The following STPG2 variants were observed in gnomAD, a reference collection of about 807,000 sequenced individuals.
STPG2 encodes sperm-tail PG-rich repeat-containing protein 2.
STPG2 carries 56 observed loss-of-function variants against 54.2 expected under a neutral mutation model. The ratio of observed to expected loss-of-function variants is 1.03; its 90% CI spans 0.83 to 1.29. The LOEUF (loss-of-function observed/expected upper bound fraction) is 1.29, where lower values mean the gene tolerates loss of function less well. Ranked by LOEUF, STPG2 falls within the 50% of genes most tolerant of loss-of-function variation. The pLI is 0.00. For synonymous variants in STPG2, 200 were observed against 181.8 expected (o/e 1.10, Z -0.81); for missense variants, 596 against 544.9 (o/e 1.09, Z -0.93).
At chr4:97,590,411 G>A (rs73831938) in intron 10 of STPG2, among the ~76,000 whole-genome samples, 5,233 of 152,018 alleles carry the variant, frequency 0.034, 302 homozygotes, top group African/African-American at 0.12. Flanking sequence ...ATATACTATA[G>A]GGAAAGGGTA....
At chr4:97,866,652 A>G (rs772931663) in intron 8 of STPG2, among the ~76,000 whole-genome samples, 7 of 152,130 alleles carry the variant, frequency 4.6e-5, no homozygotes, top group Non-Finnish European at 4.4e-5. Flanking sequence ...TACAGAATAT[A>G]GATGGGATCA....
intron 9 of STPG2, among the ~76,000 whole-genome samples, chr4:97,797,591 A>C (rs1039023054): frequency 6.6e-6 from 1 of 152,192 alleles, no homozygotes; most frequent in East Asian, 1.9e-4. Flanking sequence ...TTGGTTAGCC[A>C]GTGTATTATT....
At chr4:97,491,541 A>G (rs1435300830) in intron 4 of STPG2, among the ~76,000 whole-genome samples, 5 of 151,550 alleles carry the variant, frequency 3.3e-5, no homozygotes, top group African/African-American at 9.7e-5. Flanking sequence ...GAGGAGATAA[A>G]GCATCAGCTG....
intron 5 of STPG2, among the ~76,000 whole-genome samples, chr4:98,043,449 A>C (rs1737027277): frequency 6.6e-6 from 1 of 151,418 alleles, no homozygotes; most frequent in African/African-American, 2.4e-5. Context: ...TTGTATTGAC[A>C]GTTTGGATTA....
At chr4:97,664,662 T>C (rs2148964292) in intron 10 of STPG2, among the ~76,000 whole-genome samples, 1 of 150,546 alleles carries the variant, frequency 6.6e-6, no homozygotes, top group Non-Finnish European at 1.5e-5. Flanking sequence ...CAATTGTGTA[T>C]GTGTATGTTT....
chr4:97,806,121 TAGATA>T (rs1418858700), intron 9 of STPG2, among the ~76,000 whole-genome samples: 2 of 150,426 alleles, frequency 1.3e-5, no homozygotes, highest in Non-Finnish European at 2.9e-5. Context: ...AACAGTGGAT[TAGATA>T]AAACAGTGGA....
intron 5 of STPG2, among the ~76,000 whole-genome samples, chr4:98,018,388 G>A (rs1578785017): frequency 6.6e-6 from 1 of 152,178 alleles, no homozygotes. Flanking sequence ...TGGTGTATAT[G>A]TGCCAGATTT....
chr4:97,559,542 GTTCT>G (rs1347074666), intron 10 of STPG2, among the ~76,000 whole-genome samples: 4 of 152,042 alleles, frequency 2.6e-5, no homozygotes, highest in Non-Finnish European at 4.4e-5. Context: ...AATTCTTTTT[GTTCT>G]TTATTTTTCC....
chr4:97,505,476 G>C (rs1410541485), intron 4 of STPG2, among the ~76,000 whole-genome samples: 1 of 151,922 alleles, frequency 6.6e-6, no homozygotes, highest in Non-Finnish European at 1.5e-5. Context: ...AAAGGAAAGA[G>C]GGACTCAGAT....
At chr4:98,022,207 G>A (rs1460330800) in intron 5 of STPG2, among the ~76,000 whole-genome samples, 1 of 152,040 alleles carries the variant, frequency 6.6e-6, no homozygotes, top group Non-Finnish European at 1.5e-5. Context: ...TTTTAGGGCA[G>A]GTCTGGTGGT....
chr4:97,475,845 T>C lies in STPG2; in HGVS notation c.462+236854A>G, dbSNP rs145951577. Among the ~76,000 whole-genome samples, 110 of 152,292 alleles carry C rather than the reference T, an allele frequency of 7.2e-4. 2 individuals are homozygous for C. The South Asian group carries it at 0.011, about 15-fold the overall frequency. ...TCTGAAAGGTCCTCTTCACAGAGACTTTCCCTGGCCGCTTATCTAAAAGGC... is the reference window on the plus strand; with the variant it reads ...TCTGAAAGGTCCTCTTCACAGAGACCTTCCCTGGCCGCTTATCTAAAAGGC... On this transcript the variant is annotated intron_variant, in intron 4 of 4. Transcript: ENST00000522676.
At chr4:97,791,926 A>G (rs1727004192) in intron 9 of STPG2, among the ~76,000 whole-genome samples, 1 of 152,128 alleles carries the variant, frequency 6.6e-6, no homozygotes, top group African/African-American at 2.4e-5. Context: ...AAAAAATTAC[A>G]TTGGTAGAAG....
intron 9 of STPG2, among the ~76,000 whole-genome samples, chr4:97,782,459 C>T (rs1261931684): frequency 6.6e-6 from 1 of 152,154 alleles, no homozygotes; most frequent in African/African-American, 2.4e-5. Flanking sequence ...ACATTCCATG[C>T]TCATGGATAG....
At chr4:97,853,140 C>A (rs189158180) in intron 8 of STPG2, among the ~76,000 whole-genome samples, 2 of 151,824 alleles carry the variant, frequency 1.3e-5, no homozygotes, top group African/African-American at 4.8e-5. Flanking sequence ...CCGCGCCCAG[C>A]TAATTTTTTG....
intron 8 of STPG2, among the ~76,000 whole-genome samples, chr4:97,928,935 G>C (rs1323554497): frequency 6.6e-6 from 1 of 151,752 alleles, no homozygotes; most frequent in Non-Finnish European, 1.5e-5. Flanking sequence ...TGTTACATAG[G>C]TAAACTTGTA....
chr4:97,950,305 T>G (rs1425637413), intron 7 of STPG2, among the ~76,000 whole-genome samples: 1 of 152,132 alleles, frequency 6.6e-6, no homozygotes, highest in African/African-American at 2.4e-5. Context: ...TGTTCTTTAT[T>G]CTTTATTTTT....
At chr4:97,829,771 T>C (rs1379921473) in intron 9 of STPG2, among the ~76,000 whole-genome samples, 2 of 151,922 alleles carry the variant, frequency 1.3e-5, no homozygotes, top group Non-Finnish European at 2.9e-5. Flanking sequence ...AAGAAAGGAA[T>C]ATCAGAGATT....
chr4:98,032,828 T>A (rs537286067), intron 5 of STPG2, among the ~76,000 whole-genome samples: 42 of 152,302 alleles, frequency 2.8e-4, no homozygotes, highest in African/African-American at 1.0e-3. Flanking sequence ...CTGAACAACC[T>A]GCTCCTGAAT....
rs1336775686 is a variant in STPG2 at position 97,799,385 on chromosome 4, C to A, written c.1204+41388G>T. Among the ~76,000 whole-genome samples the A allele has an allele frequency of 2.6e-5, 4 of 152,150 alleles. No homozygotes were observed. The East Asian group carries it at 7.7e-4, about 29-fold the overall frequency. ...TCTTGTAGGACAGGCCTGGTGGTGA[C>A]AAAATCTCTCAGCATTTGCTTGTCT... On this transcript the variant is annotated intron_variant, in intron 9 of 10. Transcript: ENST00000295268.
Sources: allele counts gnomAD v4.1 joint callset (sites outside exome capture counted in the v4.1 genomes callset), GRCh38; gene constraint gnomAD v4.1.1; transcripts MANE v1.5; gene names NCBI Gene and HGNC (gene_info 2026-07-23, HGNC 2026-07-21).